The following KMT2C variants were observed in gnomAD, a reference collection of about 807,000 sequenced individuals.
KMT2C encodes lysine methyltransferase 2C.
A neutral mutation model predicts 507.9 loss-of-function variants in KMT2C; 88 were observed. That is an observed-to-expected ratio of 0.17 (90% CI 0.15 to 0.21). KMT2C has a LOEUF of 0.21. Among genes scored for constraint, KMT2C ranks in the 10% least tolerant of loss-of-function variants. The probability of loss-of-function intolerance (pLI) is 1.00; values close to 1 mark genes in which losing one functional copy is unlikely to be tolerated. For missense variants in KMT2C, 4,954 were observed against 5,957.8 expected (o/e 0.83, Z 5.55); for synonymous variants, 2,049 against 2,080.8 (o/e 0.98, Z 0.42).
At chr7:152,215,422 G>C (rs2094549042) in intron 23 of KMT2C, among the ~76,000 whole-genome samples, 2 of 148,826 alleles carry the variant, frequency 1.3e-5, no homozygotes, top group South Asian at 4.3e-4. Flanking sequence ...GCTGAGGCAG[G>C]AGAATGGCGT....
intron 23 of KMT2C, among the ~76,000 whole-genome samples, chr7:152,210,428 T>C (rs2094428761): frequency 6.6e-6 from 1 of 152,206 alleles, no homozygotes; most frequent in African/African-American, 2.4e-5. Context: ...ACCATAAAGA[T>C]TATCCGACTA....
rs2097257396 is a variant in KMT2C at position 152,367,536 on chromosome 7, A to G, written c.162-8861T>C. The G allele has an allele frequency of 3.4e-6, 4 of 1,193,622 alleles. No homozygotes were observed. The Admixed American group carries it at 5.1e-5, about 15-fold the overall frequency. 73.9% of individuals were successfully genotyped at this position (1,193,622 alleles called of 1,614,324 possible). On this transcript the variant is annotated intron_variant, in intron 1 of 58. Coordinates refer to ENST00000262189, the MANE Select transcript of KMT2C (RefSeq NM_170606.3). ...CCCAGAGAGGCGAACCTGGATTGGG[A>G]AAGTCGACATTAATCAACTCATTAT... is the stretch of plus-strand genomic sequence containing the variant.
intron 31 of KMT2C, among the ~76,000 whole-genome samples, chr7:152,189,297 C>T (rs896107313): frequency 5.3e-5 from 8 of 152,140 alleles, no homozygotes; most frequent in African/African-American, 1.7e-4. Flanking sequence ...ACTTTGTTTA[C>T]CTTCAAAAAG....
intron 6 of KMT2C, among the ~76,000 whole-genome samples, chr7:152,305,988 C>T (rs910583789): frequency 6.6e-5 from 10 of 152,162 alleles, no homozygotes; most frequent in Non-Finnish European, 1.2e-4. Context: ...GTAGGAAATA[C>T]ACATATTCAA....
At chr7:152,398,534 A>T (rs1040189711) in intron 1 of KMT2C, among the ~76,000 whole-genome samples, 1 of 152,142 alleles carries the variant, frequency 6.6e-6, no homozygotes, top group Non-Finnish European at 1.5e-5. Flanking sequence ...CAGGGAAAAG[A>T]GGGTCTTTCA....
intron 1 of KMT2C, among the ~76,000 whole-genome samples, chr7:152,415,677 G>A (rs1325196616): frequency 1.3e-5 from 2 of 152,118 alleles, no homozygotes; most frequent in African/African-American, 2.4e-5. Context: ...TCAGGTGCTC[G>A]AGACCAGCCT....
intron 2 of KMT2C, among the ~76,000 whole-genome samples, chr7:152,352,422 G>A (rs1266317099): frequency 3.9e-5 from 6 of 152,082 alleles, no homozygotes; most frequent in Admixed American, 3.9e-4. Flanking sequence ...ACCTTGTGAA[G>A]CACGTGATCT....
intron 39 of KMT2C, among the ~76,000 whole-genome samples, chr7:152,171,729 T>C (rs1170899419): frequency 6.6e-6 from 1 of 152,268 alleles, no homozygotes; most frequent in Non-Finnish European, 1.5e-5. Flanking sequence ...TAAGTTGATT[T>C]AGTTTTATAA....
chr7:152,433,617 C>G (rs539387320), intron 1 of KMT2C, among the ~76,000 whole-genome samples: 1 of 152,344 alleles, frequency 6.6e-6, no homozygotes, highest in South Asian at 2.1e-4. Context: ...AAAGAAAAAG[C>G]TCTCTACAGA....
At chr7:152,401,326 C>T (rs923836457) in intron 1 of KMT2C, among the ~76,000 whole-genome samples, 2 of 151,950 alleles carry the variant, frequency 1.3e-5, no homozygotes, top group Non-Finnish European at 2.9e-5. Flanking sequence ...GTGATCAGCC[C>T]GCCTCAGCCT....
rs1264652385 is a variant in KMT2C, at chr7:152,266,251, T to C, written c.1013-1042A>G. ...ACAAAGTATATGAACCTTTTTTTTTTCCTTTTTTTTTGAGACAGAGTTTCA... is the reference window on the plus strand; with the variant it reads ...ACAAAGTATATGAACCTTTTTTTTTCCCTTTTTTTTTGAGACAGAGTTTCA... On this transcript the variant is annotated intron_variant, in intron 7 of 58. Transcript: ENST00000262189. 4.0e-5 allele frequency among the ~76,000 whole-genome samples: 6 copies of C among 151,818 alleles called. No homozygotes were observed. The East Asian group carries it at 1.2e-3, about 30-fold the overall frequency.
intron 1 of KMT2C, among the ~76,000 whole-genome samples, chr7:152,370,960 T>C (rs1437495746): frequency 6.6e-6 from 1 of 152,008 alleles, no homozygotes; most frequent in Non-Finnish European, 1.5e-5. Flanking sequence ...CAGAAAAAAA[T>C]GTGGGAGGTC....
intron 55 of KMT2C, among the ~76,000 whole-genome samples, chr7:152,143,046 C>T (rs540660641): frequency 7.9e-5 from 12 of 152,086 alleles, no homozygotes; most frequent in African/African-American, 7.2e-5. Flanking sequence ...AGTTAAGATA[C>T]CCACTAAAAT....
chr7:152,278,859 G>A (rs1170500344), intron 6 of KMT2C, among the ~76,000 whole-genome samples: 2 of 150,918 alleles, frequency 1.3e-5, no homozygotes, highest in Non-Finnish European at 3.0e-5. Flanking sequence ...AAGCTGAGTA[G>A]AAATAACATG....
At position 152,181,671 on chromosome 7, in the gene KMT2C, T is replaced by C. The variant is rs911234543; in HGVS notation, c.6189A>G (p.Ala2063=). 1.2e-6 allele frequency: 2 copies of C among 1,614,136 alleles called. No homozygotes were observed. The highest frequency in any genetic ancestry group is 1.7e-6 in the Non-Finnish European group (2 of 1,180,020). Residue 2063 remains alanine, a synonymous_variant, in exon 36 of 59, where the codon GCA becomes GCG. Transcript: ENST00000262189. ...AAGGGTCAACAGACAATCGCCTTGA[T>C]GCCTGTGACACTGATCCATAAGGAT... The part of the protein sequence containing the change: ...SQDPYGSVSQ[A]SRRLSVDPYE...
intron 52 of KMT2C, among the ~76,000 whole-genome samples, chr7:152,147,525 A>T (rs2129094473): frequency 6.6e-6 from 1 of 151,996 alleles, no homozygotes; most frequent in African/African-American, 2.4e-5. Context: ...AATACTAAAA[A>T]TACAAAATTA....
At chr7:152,151,105 G>C in intron 50 of KMT2C, 98 bp from the exon 51 acceptor site, 1 of 732,930 alleles carries the variant, frequency 1.4e-6, no homozygotes, top group Non-Finnish European at 2.2e-6. Context: ...AAAAGTGACA[G>C]TGGTTCTTTA....
At chr7:152,362,946 A>T (rs188000108) in intron 1 of KMT2C, among the ~76,000 whole-genome samples, 146 of 152,318 alleles carry the variant, frequency 9.6e-4, no homozygotes, top group Admixed American at 1.7e-3. Flanking sequence ...GCAATGGACC[A>T]ACTTATTGAC....
At chr7:152,263,750 G>C (rs1216543789) in intron 8 of KMT2C, among the ~76,000 whole-genome samples, 1 of 152,108 alleles carries the variant, frequency 6.6e-6, no homozygotes, top group East Asian at 1.9e-4. Flanking sequence ...TAATTATTAA[G>C]AATTATAGTT....
Sources: gnomAD v4.1 joint callset for allele counts (sites outside exome capture counted in the v4.1 genomes callset) on GRCh38, gnomAD v4.1.1 for gene constraint, MANE v1.5 for transcripts, NCBI Gene and HGNC (gene_info 2026-07-23, HGNC 2026-07-21) for gene names.